Variants in PTPRM observed in about 807,000 individuals in gnomAD.
The protein encoded by PTPRM is receptor-type tyrosine-protein phosphatase mu.
PTPRM carries 47 observed loss-of-function variants against 186.7 expected under a neutral mutation model. The ratio of observed to expected loss-of-function variants is 0.25; its 90% CI spans 0.20 to 0.32. The LOEUF is 0.32. Ranked by LOEUF, PTPRM falls within the 10% of genes least tolerant of loss-of-function variation. PTPRM has a pLI of 1.00. For missense variants in PTPRM, 1,494 were observed against 1,865.0 expected (o/e 0.80, Z 3.66); for synonymous variants, 668 against 674.9 (o/e 0.99, Z 0.16).
chr18:8,274,344 A>G (rs1044366538), intron 19 of PTPRM, among the ~76,000 whole-genome samples: 1 of 152,224 alleles, frequency 6.6e-6, no homozygotes, highest in African/African-American at 2.4e-5. Flanking sequence ...AGTACTAGCT[A>G]TGACTACTGC....
chr18:7,653,306 T>C (rs9961754), intron 1 of PTPRM, among the ~76,000 whole-genome samples: 49,094 of 151,726 alleles, frequency 0.32, 11,866 homozygotes, highest in African/African-American at 0.68. Flanking sequence ...ACCACCACAC[T>C]TGGCTAATTT....
At chr18:8,352,663 T>TG (rs1327926829) in intron 23 of PTPRM, among the ~76,000 whole-genome samples, 8 of 110,270 alleles carry the variant, frequency 7.3e-5, no homozygotes, top group South Asian at 3.0e-4. Flanking sequence ...GTTTTTTTTG[T>TG]TTGTTTGTTT....
chr18:8,366,420 C>T (rs1325533628), intron 23 of PTPRM, among the ~76,000 whole-genome samples: 1 of 152,188 alleles, frequency 6.6e-6, no homozygotes, highest in Non-Finnish European at 1.5e-5. Flanking sequence ...CCAAGGGAGT[C>T]TCATGCCTGC....
intron 5 of PTPRM, among the ~76,000 whole-genome samples, chr18:7,936,500 C>T (rs1568037755): frequency 6.6e-6 from 1 of 152,220 alleles, no homozygotes; most frequent in Non-Finnish European, 1.5e-5. Flanking sequence ...TGCCAGCCCC[C>T]TGCCGCCTCA....
At position 7,932,801 on chromosome 18, in the gene PTPRM, A is replaced by G. The variant is rs139282801; in HGVS notation, c.663+6118A>G. On this transcript the variant is annotated intron_variant, in intron 5 of 32. Transcript: ENST00000580170. ...CAGAATAGCCTTTTAAAATGATTCC[A>G]TAATATGCATTAGTTTATACAAATA... Among the ~76,000 whole-genome samples, 683 of 152,280 alleles carry G rather than the reference A, an allele frequency of 4.5e-3. 6 individuals are homozygous for G. The highest frequency in any genetic ancestry group is 0.015 in the African/African-American group (642 of 41,560).
At chr18:7,761,706 G>C (rs1052582841) in intron 1 of PTPRM, among the ~76,000 whole-genome samples, 2 of 151,942 alleles carry the variant, frequency 1.3e-5, no homozygotes, top group African/African-American at 4.8e-5. Context: ...TGTCTTCCTT[G>C]AGGACAAGGA....
At chr18:8,213,731 C>T (rs1000934831) in intron 14 of PTPRM, among the ~76,000 whole-genome samples, 1 of 152,078 alleles carries the variant, frequency 6.6e-6, no homozygotes, top group African/African-American at 2.4e-5. Context: ...ATCCACCATT[C>T]GATCCAGCAG....
intron 2 of PTPRM, among the ~76,000 whole-genome samples, chr18:7,806,238 T>G (rs2044228935): frequency 6.6e-6 from 1 of 152,142 alleles, no homozygotes; most frequent in Non-Finnish European, 1.5e-5. Context: ...GGTCTGCAAA[T>G]TCAGACACCC....
At chr18:7,746,778 T>G (rs1198342473) in intron 1 of PTPRM, among the ~76,000 whole-genome samples, 1 of 152,178 alleles carries the variant, frequency 6.6e-6, no homozygotes, top group Non-Finnish European at 1.5e-5. Flanking sequence ...ATCATAGTCT[T>G]GACAGTAGGA....
At chr18:8,135,483 T>C (rs1399138780) in intron 13 of PTPRM, among the ~76,000 whole-genome samples, 1 of 151,984 alleles carries the variant, frequency 6.6e-6, no homozygotes, top group African/African-American at 2.4e-5. Context: ...CCTCAGACCT[T>C]TGATCCAGAA....
At chr18:7,945,004 A>G (rs2052421620) in intron 5 of PTPRM, among the ~76,000 whole-genome samples, 1 of 152,176 alleles carries the variant, frequency 6.6e-6, no homozygotes, top group East Asian at 1.9e-4. Context: ...TTGGGTCATC[A>G]TAGGAGAGCC....
In PTPRM at chr18:8,366,025, C is replaced by A. The variant is rs118095036; in HGVS notation, c.3055-4865C>A. On this transcript the variant is annotated intron_variant, in intron 23 of 32. Transcript: ENST00000580170. The stretch of plus-strand genomic sequence containing the variant: ...TTCAATAAACTACTGATACCTCTGT[C>A]CCACCCCAGAAATTATGATTTAATT... 4.3e-3 allele frequency among the ~76,000 whole-genome samples: 651 copies of A among 152,290 alleles called. 3 individuals are homozygous for A. The highest frequency in any genetic ancestry group is 6.2e-3 in the Non-Finnish European group (424 of 68,022).
At chr18:8,276,041 C>A (rs890455645) in intron 19 of PTPRM, among the ~76,000 whole-genome samples, 2 of 152,002 alleles carry the variant, frequency 1.3e-5, no homozygotes, top group East Asian at 1.9e-4. Context: ...GTCTTTGTTG[C>A]GGGCATCACT....
Position 7,864,430 on chromosome 18 carries a change from C to T in PTPRM, c.197-23676C>T, listed in dbSNP as rs549465581. Among the ~76,000 whole-genome samples, 3 of 152,312 alleles carry T rather than the reference C, an allele frequency of 2.0e-5. No individual in the cohort carries two copies. In the East Asian group the frequency reaches 5.8e-4, roughly 29 times the overall value. On this transcript the variant is annotated intron_variant, in intron 2 of 32. Coordinates refer to ENST00000580170, the MANE Select transcript of PTPRM (RefSeq NM_001105244.2). ...TTCTGCATATGGCTGGCCAGTTTCC[C>T]CAACACCATTTATTAAATAGGGAAT...
At chr18:8,193,437 T>C (rs113379252) in intron 14 of PTPRM, among the ~76,000 whole-genome samples, 24 of 151,610 alleles carry the variant, frequency 1.6e-4, no homozygotes, top group African/African-American at 5.8e-4. Context: ...AGTATAAAAG[T>C]CAACAAAATG....
chr18:7,990,899 G>A (rs2083234231), intron 7 of PTPRM, among the ~76,000 whole-genome samples: 1 of 152,160 alleles, frequency 6.6e-6, no homozygotes, highest in Admixed American at 6.5e-5. Context: ...AGGTGACAGG[G>A]TGTAGTAATG....
At chr18:7,954,115 A>C (rs2053159316) in intron 6 of PTPRM, among the ~76,000 whole-genome samples, 1 of 152,180 alleles carries the variant, frequency 6.6e-6, no homozygotes, top group African/African-American at 2.4e-5. Flanking sequence ...GAATACCTTC[A>C]TTTGGTGCCT....
At chr18:8,211,657 C>T (rs1481199481) in intron 14 of PTPRM, among the ~76,000 whole-genome samples, 1 of 152,044 alleles carries the variant, frequency 6.6e-6, no homozygotes, top group Non-Finnish European at 1.5e-5. Flanking sequence ...CCTGCCTCGC[C>T]CTCCCAAAGT....
At chr18:8,354,444 C>T (rs952969597) in intron 23 of PTPRM, among the ~76,000 whole-genome samples, 1 of 152,052 alleles carries the variant, frequency 6.6e-6, no homozygotes, top group Admixed American at 6.6e-5. Flanking sequence ...AGCATTTCAA[C>T]AGGAAGGGGA....
Sources: allele counts gnomAD v4.1 joint callset (sites outside exome capture counted in the v4.1 genomes callset), GRCh38; gene constraint gnomAD v4.1.1; transcripts MANE v1.5; gene names NCBI Gene and HGNC (gene_info 2026-07-23, HGNC 2026-07-21).